The following MGAT4C variants were observed in gnomAD, a reference collection of about 807,000 sequenced individuals.
The protein encoded by MGAT4C is MGAT4 family member C.
MGAT4C carries 19 observed loss-of-function variants against 40.1 expected under a neutral mutation model. That is an observed-to-expected ratio of 0.47 (90% confidence interval 0.33 to 0.70). The LOEUF is 0.70. Ranked by LOEUF, MGAT4C falls within the 30% of genes least tolerant of loss-of-function variation. The pLI is 0.02. For synonymous variants in MGAT4C, 181 were observed against 187.1 expected, an observed-to-expected ratio of 0.97 and a Z score of 0.27; for missense variants, 491 against 563.2, an observed-to-expected ratio of 0.87 and a Z score of 1.30.
chr12:86,387,082 G>T (rs548278249), intron 3 of MGAT4C, among the ~76,000 whole-genome samples: 1 of 152,128 alleles, frequency 6.6e-6, no homozygotes, highest in East Asian at 1.9e-4. Context: ...CATATCTAAT[G>T]TCAACATTTC....
At chr12:86,671,569 A>C (rs1964257435) in intron 2 of MGAT4C, among the ~76,000 whole-genome samples, 1 of 152,202 alleles carries the variant, frequency 6.6e-6, no homozygotes, top group African/African-American at 2.4e-5. Flanking sequence ...CATTTGATCT[A>C]TAAAGATACC....
intron 2 of MGAT4C, among the ~76,000 whole-genome samples, chr12:86,032,309 A>C (rs1202381523): frequency 6.6e-6 from 1 of 151,658 alleles, no homozygotes; most frequent in Non-Finnish European, 1.5e-5. Context: ...CGGTAGAATT[A>C]CCATTTTGAG....
intron 3 of MGAT4C, among the ~76,000 whole-genome samples, chr12:86,385,361 T>C (rs1158345173): frequency 6.6e-6 from 1 of 152,188 alleles, no homozygotes; most frequent in Non-Finnish European, 1.5e-5. Context: ...AATTGTAGCT[T>C]TCAAATCTAC....
chr12:86,426,721 G>A (rs527322858), intron 3 of MGAT4C, among the ~76,000 whole-genome samples: 15 of 152,302 alleles, frequency 9.8e-5, no homozygotes, highest in African/African-American at 3.6e-4. Flanking sequence ...GCCGAGGAGG[G>A]CGGATCACGA....
chr12:86,375,845 T>C (rs1016584533), intron 3 of MGAT4C, among the ~76,000 whole-genome samples: 1 of 152,074 alleles, frequency 6.6e-6, no homozygotes, highest in Non-Finnish European at 1.5e-5. Flanking sequence ...ATAATAAATA[T>C]ACCTCTAGCA....
chr12:86,687,425 T>A (rs1438753054), intron 2 of MGAT4C, among the ~76,000 whole-genome samples: 1 of 152,138 alleles, frequency 6.6e-6, no homozygotes, highest in African/African-American at 2.4e-5. Flanking sequence ...TTAAGTGTGA[T>A]GTTAGGGTGT....
At chr12:86,114,008 G>A (rs946584477) in intron 1 of MGAT4C, among the ~76,000 whole-genome samples, 3 of 151,706 alleles carry the variant, frequency 2.0e-5, no homozygotes, top group African/African-American at 4.8e-5. Flanking sequence ...CCTTTTAGTG[G>A]GTTGATAAGA....
At chr12:86,746,019 G>A (rs1442227919) in intron 1 of MGAT4C, among the ~76,000 whole-genome samples, 2 of 151,632 alleles carry the variant, frequency 1.3e-5, no homozygotes, top group Admixed American at 1.3e-4. Flanking sequence ...ACTGGAGTTT[G>A]TTCTTCTAGA....
At chr12:86,106,935 A>C (rs2135621517) in intron 1 of MGAT4C, among the ~76,000 whole-genome samples, 1 of 152,264 alleles carries the variant, frequency 6.6e-6, no homozygotes, top group African/African-American at 2.4e-5. Flanking sequence ...TATACTGCAG[A>C]GTTTTTGTGA....
At chr12:86,109,183 A>T (rs191307712) in intron 1 of MGAT4C, among the ~76,000 whole-genome samples, 1 of 152,288 alleles carries the variant, frequency 6.6e-6, no homozygotes, top group Admixed American at 6.5e-5. Context: ...TTTGTAATTA[A>T]TTAGACACTA....
At chr12:86,401,085 T>C (rs548862031) in intron 3 of MGAT4C, among the ~76,000 whole-genome samples, 1 of 152,236 alleles carries the variant, frequency 6.6e-6, no homozygotes, top group South Asian at 2.1e-4. Flanking sequence ...TTTGAATTTA[T>C]CTCAGTATTT....
chr12:85,996,757 A>G (rs996522000), intron 2 of MGAT4C, among the ~76,000 whole-genome samples: 7 of 152,162 alleles, frequency 4.6e-5, no homozygotes, highest in Non-Finnish European at 2.9e-5. Context: ...CAAAACTGAC[A>G]TAAGGGAAAG....
At chr12:86,209,858 A>G (rs983806308) in intron 1 of MGAT4C, among the ~76,000 whole-genome samples, 1 of 152,176 alleles carries the variant, frequency 6.6e-6, no homozygotes, top group Non-Finnish European at 1.5e-5. Context: ...AAAGAGTTTT[A>G]ATTATTATTC....
At position 86,538,931 on chromosome 12, in the gene MGAT4C, G is replaced by A. The variant is rs548880911; in HGVS notation, c.-228-103666C>T. Among the ~76,000 whole-genome samples the A allele has an allele frequency of 2.0e-5, 3 of 151,846 alleles. No individual in the cohort carries two copies. In the East Asian group the frequency reaches 5.8e-4, roughly 29 times the overall value. On this transcript the variant is annotated intron_variant, in intron 2 of 7. Transcript: ENST00000548651. ...CCAAAGTGGAATACATTTATATAAG[G>A]AAATAAATGTTTTGTTTCTCATAAC...
intron 3 of MGAT4C, among the ~76,000 whole-genome samples, chr12:86,397,808 TAAA>T (rs1366783136): frequency 6.6e-6 from 1 of 152,038 alleles, no homozygotes; most frequent in East Asian, 1.9e-4. Context: ...AAGAAAAATT[TAAA>T]AATTAGCTGG....
rs948987542 is a variant in MGAT4C at position 86,626,148 on chromosome 12, G to C, written c.-229+101061C>G. ...TTAAAATTTTTACACAATTCTTGCT[G>C]TGAAGAAGATTTGAATTAAAATTTT... On this transcript the variant is annotated intron_variant, in intron 2 of 7. Transcript: ENST00000548651. Among the ~76,000 whole-genome samples the C allele has an allele frequency of 3.3e-5, 5 of 152,272 alleles. No individual in the cohort carries two copies. In the East Asian group the frequency reaches 9.6e-4, roughly 29 times the overall value.
chr12:86,629,751 G>C (rs1055180148), intron 2 of MGAT4C, among the ~76,000 whole-genome samples: 3 of 152,176 alleles, frequency 2.0e-5, no homozygotes, highest in African/African-American at 7.2e-5. Flanking sequence ...CACATTTAAA[G>C]CAGTGTGTAG....
At chr12:86,523,240 T>A (rs1334204171) in intron 2 of MGAT4C, among the ~76,000 whole-genome samples, 3 of 152,142 alleles carry the variant, frequency 2.0e-5, no homozygotes, top group African/African-American at 7.2e-5. Context: ...GCTATAAATT[T>A]CCCTCTTAAT....
At chr12:86,110,838 TATG>T (rs1284568100) in intron 1 of MGAT4C, among the ~76,000 whole-genome samples, 1 of 151,734 alleles carries the variant, frequency 6.6e-6, no homozygotes, top group Non-Finnish European at 1.5e-5. Flanking sequence ...TATTAATTTA[TATG>T]ATGATAACTA....
Sources: gnomAD v4.1 joint callset for allele counts (sites outside exome capture counted in the v4.1 genomes callset) on GRCh38, gnomAD v4.1.1 for gene constraint, MANE v1.5 for transcripts, NCBI Gene and HGNC (gene_info 2026-07-23, HGNC 2026-07-21) for gene names.